PDE6H: variants seen among roughly 807,000 people sequenced by gnomAD.
PDE6H encodes retinal cone rhodopsin-sensitive cGMP 3',5'-cyclic phosphodiesterase subunit gamma.
Under a neutral mutation model 9.2 loss-of-function variants are expected in PDE6H, and 11 were observed. The observed-to-expected ratio is 1.19, with a 90% confidence interval of 0.75 to 1.97. PDE6H has a LOEUF of 1.97. Among genes scored for constraint, PDE6H ranks in the 30% most tolerant of loss-of-function variants. The pLI is 0.00. For missense variants in PDE6H, 98 were observed against 101.5 expected (o/e 0.97, Z 0.15); for synonymous variants, 36 against 33.6 (o/e 1.07, Z -0.25).
At chr12:14,978,901 A>C (rs1171644686) in intron 2 of PDE6H, among the ~76,000 whole-genome samples, 8 of 152,194 alleles carry the variant, frequency 5.3e-5, no homozygotes, top group Non-Finnish European at 1.2e-4. Context: ...ATAAAAAGTG[A>C]AACTTGACTA....
At position 14,981,410 on chromosome 12, in the gene PDE6H, G is replaced by A. The variant is rs748922209; in HGVS notation, c.186G>A (p.Val62=). 1 of 1,610,674 alleles carries A rather than the reference G, an allele frequency of 6.2e-7. No individual in the cohort carries two copies. The highest frequency in any genetic ancestry group is 8.5e-7 in the Non-Finnish European group (1 of 1,176,816). Residue 62 remains valine, a synonymous_variant, in exon 4 of 4, where the codon GTG becomes GTA. Coordinates refer to ENST00000266395, the MANE Select transcript of PDE6H (RefSeq NM_006205.3). ...TTCCATCTCTTGCAGATATCACAGT[G>A]ATTTGTCCATGGGAGGCATTCAGCC... ...GMEGLGTDIT[V]ICPWEAFSHL...
At position 14,978,039 on chromosome 12, in the gene PDE6H, T is replaced by A. The variant is rs781381817; in HGVS notation, c.27T>A (p.Ala9=). 3 of 1,613,568 alleles carry A rather than the reference T, an allele frequency of 1.9e-6. No homozygotes were observed. The Admixed American group carries it at 5.0e-5, about 27-fold the overall frequency. ...TGAGTGACAACACTACTCTGCCTGC[T>A]CCAGCTTCAAACCAGGGTCCTACCA... MSDNTTLP[A]PASNQGPTTP... The change falls in exon 2 of 4, where the codon GCT becomes GCA. Residue 9 remains alanine, a synonymous_variant. Coordinates refer to ENST00000266395, the MANE Select transcript of PDE6H (RefSeq NM_006205.3).
chr12:14,975,147 C>G (rs940268365), intron 1 of PDE6H, among the ~76,000 whole-genome samples: 3 of 152,114 alleles, frequency 2.0e-5, no homozygotes, highest in African/African-American at 7.2e-5. Flanking sequence ...GACAATTTGA[C>G]AAATGAGGGT....
chr12:14,979,104 A>C (rs1194401894), intron 2 of PDE6H, 75 bp from the exon 3 acceptor site: 7 of 940,856 alleles, frequency 7.4e-6, no homozygotes, highest in African/African-American at 3.2e-5. Context: ...TTGAATCAAG[A>C]AACTCTCCAT....
intron 1 of PDE6H, among the ~76,000 whole-genome samples, chr12:14,976,029 C>A (rs568092195): frequency 6.6e-6 from 1 of 152,194 alleles, no homozygotes; most frequent in East Asian, 1.9e-4. Flanking sequence ...ACCGTGTTAG[C>A]CAGGATGGTC....
intron 1 of PDE6H, among the ~76,000 whole-genome samples, chr12:14,975,821 T>TG: frequency 1.2e-5 from 1 of 84,106 alleles, no homozygotes; most frequent in East Asian, 3.6e-4. Context: ...TGTTTTTTTT[T>TG]TTTGTTTTTT....
intron 1 of PDE6H, among the ~76,000 whole-genome samples, chr12:14,974,935 C>A (rs1049793631): frequency 6.6e-6 from 1 of 152,182 alleles, no homozygotes; most frequent in African/African-American, 2.4e-5. Context: ...CACTTTGTAC[C>A]ACTCTACTTA....
At chr12:14,981,059 G>A (rs971267161) in intron 3 of PDE6H, among the ~76,000 whole-genome samples, 1 of 152,168 alleles carries the variant, frequency 6.6e-6, no homozygotes, top group Non-Finnish European at 1.5e-5. Flanking sequence ...TTTAACCCTT[G>A]GCCTGACTAG....
chr12:14,978,197 A>C (rs1407079290), intron 2 of PDE6H, 51 bp downstream of exon 2: 1 of 1,565,332 alleles, frequency 6.4e-7, no homozygotes, highest in South Asian at 1.1e-5. Context: ...TTTTCCCACA[A>C]GACTGCTTTT....
chr12:14,978,899 T>C lies in PDE6H; in HGVS notation c.135-280T>C, dbSNP rs182031758. Reference sequence around the variant, plus strand: ...TCATTTCAATTTTTATTATAAAAAGTGAAACTTGACTAAGTTGTCCCACTG... The same window carrying C: ...TCATTTCAATTTTTATTATAAAAAGCGAAACTTGACTAAGTTGTCCCACTG... On this transcript the variant is annotated intron_variant, in intron 2 of 3. Transcript: ENST00000266395. Among the ~76,000 whole-genome samples, 87 of 152,358 alleles carry C rather than the reference T, an allele frequency of 5.7e-4. 2 individuals are homozygous for C. In the East Asian group the frequency reaches 0.015, roughly 26 times the overall value.
rs1286571066 is a variant in PDE6H at position 14,978,158 on chromosome 12, A to G, written c.134+12A>G. 1 of 1,612,264 alleles carries G rather than the reference A, an allele frequency of 6.2e-7. No individual in the cohort carries two copies. Among genetic ancestry groups the G allele is most frequent in the Admixed American group, 1.7e-5 (1 of 59,992 alleles). ...AAAGGTGTGAAAGGGTAAGACCAAAATGAAAAGAAAAACTTTCTATTACTT... is the reference window on the plus strand; with the variant it reads ...AAAGGTGTGAAAGGGTAAGACCAAAGTGAAAAGAAAAACTTTCTATTACTT... On this transcript the variant is annotated intron_variant, in intron 2 of 3. Coordinates refer to ENST00000266395, the MANE Select transcript of PDE6H (RefSeq NM_006205.3).
Position 14,978,030 on chromosome 12 carries a change from T to G in PDE6H, c.18T>G (p.Thr6=). MSDNT[T]LPAPASNQGP... ...GAGTTAAAATGAGTGACAACACTAC[T>G]CTGCCTGCTCCAGCTTCAAACCAGG... The change falls in exon 2 of 4, where the codon ACT becomes ACG. Residue 6 remains threonine, a synonymous_variant. Transcript: ENST00000266395. 6.2e-7 allele frequency: 1 copy of G among 1,613,516 alleles called. No homozygotes were observed. The highest frequency in any genetic ancestry group is 8.5e-7 in the Non-Finnish European group (1 of 1,179,976).
At chr12:14,981,081 T>C (rs1229751965) in intron 3 of PDE6H, among the ~76,000 whole-genome samples, 1 of 152,258 alleles carries the variant, frequency 6.6e-6, no homozygotes, top group Non-Finnish European at 1.5e-5. Context: ...ATTCCACTTC[T>C]GCCTCCTCCT....
At chr12:14,980,596 T>C (rs1351299579) in intron 3 of PDE6H, among the ~76,000 whole-genome samples, 2 of 152,224 alleles carry the variant, frequency 1.3e-5, no homozygotes, top group African/African-American at 4.8e-5. Flanking sequence ...TCCAGCCATG[T>C]TATAAAGCAA....
intron 1 of PDE6H, among the ~76,000 whole-genome samples, chr12:14,974,920 T>C (rs1864569561): frequency 6.6e-6 from 1 of 152,260 alleles, no homozygotes; most frequent in South Asian, 2.1e-4. Context: ...TTTGCCCTTT[T>C]TGAACACTTT....
chr12:14,981,384 C>A lies in PDE6H; in HGVS notation c.176-16C>A, dbSNP rs771261963. 1 of 1,579,478 alleles carries A rather than the reference C, an allele frequency of 6.3e-7. No individual in the cohort carries two copies. The highest frequency in any genetic ancestry group is 1.1e-5 in the South Asian group (1 of 90,348). Reference sequence around the variant, plus strand: ...GGGTGAGGTTGGCTTACGTGCTCTTCTTCCATCTCTTGCAGATATCACAGT... The same window carrying A: ...GGGTGAGGTTGGCTTACGTGCTCTTATTCCATCTCTTGCAGATATCACAGT... On this transcript the variant is annotated splice_polypyrimidine_tract_variant and intron_variant, in intron 3 of 3. Transcript: ENST00000266395.
At chr12:14,975,020 C>A (rs1031921270) in intron 1 of PDE6H, among the ~76,000 whole-genome samples, 1 of 152,084 alleles carries the variant, frequency 6.6e-6, no homozygotes, top group Non-Finnish European at 1.5e-5. Flanking sequence ...TGGAATAAGA[C>A]CCACAGAGGA....
At chr12:14,975,087 A>T (rs1022686161) in intron 1 of PDE6H, among the ~76,000 whole-genome samples, 2 of 152,208 alleles carry the variant, frequency 1.3e-5, no homozygotes, top group Admixed American at 6.5e-5. Context: ...ACTTAAAACT[A>T]TATCAGTTTG....
At position 14,978,119 on chromosome 12, in the gene PDE6H, G is replaced by A. The variant is rs1381050003; in HGVS notation, c.107G>A (p.Ser36Asn). The change falls in exon 2 of 4, where the codon AGT becomes AAT. Residue 36 changes from serine (S) to asparagine (N), a missense_variant. Physicochemically the swap from Ser to Asn is conservative, Grantham distance 46. Transcript: ENST00000266395. ...FKQRQTRQFKSKPPKKGVKGF... is the reference protein window; with the variant it reads ...FKQRQTRQFKNKPPKKGVKGF... Reference sequence around the variant, plus strand: ...CAGAGGCAGACTCGCCAATTCAAGAGTAAACCTCCAAAGAAAGGTGTGAAA... The same window carrying A: ...CAGAGGCAGACTCGCCAATTCAAGAATAAACCTCCAAAGAAAGGTGTGAAA... The A allele has an allele frequency of 6.2e-7, 1 of 1,613,652 alleles. No individual in the cohort carries two copies. Among genetic ancestry groups the A allele is most frequent in the Non-Finnish European group, 8.5e-7 (1 of 1,179,962 alleles).
Sources: gnomAD v4.1 joint callset for allele counts (sites outside exome capture counted in the v4.1 genomes callset) on GRCh38, gnomAD v4.1.1 for gene constraint, MANE v1.5 for transcripts, NCBI Gene and HGNC (gene_info 2026-07-23, HGNC 2026-07-21) for gene names.